Variants in CHURC1 observed in about 807,000 individuals in gnomAD.
The protein encoded by CHURC1 is protein Churchill.
CHURC1 carries 12 observed loss-of-function variants against 15.4 expected under a neutral mutation model. The observed-to-expected ratio is 0.78, with a 90% CI of 0.50 to 1.27. The LOEUF (loss-of-function observed/expected upper bound fraction) is 1.27, where lower values mean the gene tolerates loss of function less well. Among genes scored for constraint, CHURC1 ranks in the 50% most tolerant of loss-of-function variants. The pLI, the probability that CHURC1 is intolerant of heterozygous loss-of-function variation, is 0.00. For missense variants in CHURC1, 132 were observed against 137.8 expected (o/e 0.96, Z 0.21); for synonymous variants, 42 against 47.5 (o/e 0.88, Z 0.48).
chr14:64,930,450 C>G (rs1388329111), intron 3 of CHURC1, among the ~76,000 whole-genome samples: 1 of 152,164 alleles, frequency 6.6e-6, no homozygotes, highest in Non-Finnish European at 1.5e-5. Context: ...AACCTAACCG[C>G]CATGTATGAC....
At chr14:64,917,305 A>G (rs1307538222) in intron 1 of CHURC1, among the ~76,000 whole-genome samples, 1 of 152,000 alleles carries the variant, frequency 6.6e-6, no homozygotes, top group South Asian at 2.1e-4. Flanking sequence ...GCTCACGCCT[A>G]TAATCCCAGC....
At chr14:64,923,424 A>C (rs1449380174) in intron 1 of CHURC1, among the ~76,000 whole-genome samples, 1 of 152,200 alleles carries the variant, frequency 6.6e-6, no homozygotes. Flanking sequence ...TTACGAAATG[A>C]AGAACTTAAG....
chr14:64,926,162 T>G, intron 3 of CHURC1, 82 bp downstream of exon 3: 1 of 1,017,592 alleles, frequency 9.8e-7, no homozygotes, highest in Non-Finnish European at 1.4e-6. Flanking sequence ...TAAATACGGT[T>G]TTCATAAGTG....
chr14:64,931,190 GTC>G (rs944507536), intron 3 of CHURC1, among the ~76,000 whole-genome samples: 1 of 152,234 alleles, frequency 6.6e-6, no homozygotes, highest in African/African-American at 2.4e-5. Context: ...AAAGAAATAT[GTC>G]TCTGTAGTTT....
At chr14:64,916,245 CTG>C (rs966598074) in intron 1 of CHURC1, among the ~76,000 whole-genome samples, 1 of 152,170 alleles carries the variant, frequency 6.6e-6, no homozygotes, top group Non-Finnish European at 1.5e-5. Context: ...GGTGGTAAAA[CTG>C]TAAGGAACGT....
intron 3 of CHURC1, among the ~76,000 whole-genome samples, chr14:64,931,480 A>T (rs759291838): frequency 8.6e-4 from 130 of 152,046 alleles, no homozygotes; most frequent in Non-Finnish European, 2.5e-4. Flanking sequence ...GCTGCAGTGA[A>T]CCATCATTGC....
chr14:64,932,091 C>G, intron 3 of CHURC1, 47 bp from the exon 4 acceptor site: 1 of 1,587,824 alleles, frequency 6.3e-7, no homozygotes, highest in Non-Finnish European at 8.6e-7. Context: ...TATAAAGCAT[C>G]TTTTTCCCTG....
At chr14:64,921,333 A>T (rs1884281716) in intron 1 of CHURC1, among the ~76,000 whole-genome samples, 1 of 152,146 alleles carries the variant, frequency 6.6e-6, no homozygotes, top group African/African-American at 2.4e-5. Flanking sequence ...TAAAAGAAAA[A>T]ATGTTAAATT....
chr14:64,923,981 G>A lies in CHURC1; in HGVS notation c.40-10G>A. ...GTAAAGAAATTAAATTCCTGTTTCT[G>A]ATATTTTAGGGTAATACCTGCCTGG... On this transcript the variant is annotated splice_polypyrimidine_tract_variant and intron_variant, in intron 1 of 3. Transcript: ENST00000549115. 1 of 1,500,670 alleles carries A rather than the reference G, an allele frequency of 6.7e-7. No homozygotes were observed. The highest frequency in any genetic ancestry group is 8.9e-7 in the Non-Finnish European group (1 of 1,120,424). 93.0% of individuals were successfully genotyped at this position (1,500,670 alleles called of 1,614,324 possible).
At chr14:64,931,566 G>A (rs1885078831) in intron 3 of CHURC1, among the ~76,000 whole-genome samples, 1 of 151,742 alleles carries the variant, frequency 6.6e-6, no homozygotes, top group South Asian at 2.1e-4. Context: ...TGCCCTAAGG[G>A]TTTTTGCCTA....
chr14:64,922,252 T>C (rs995463763), intron 1 of CHURC1, among the ~76,000 whole-genome samples: 2 of 152,058 alleles, frequency 1.3e-5, no homozygotes, highest in Non-Finnish European at 2.9e-5. Flanking sequence ...AATTTTATTG[T>C]ATGTAAATTG....
At chr14:64,921,859 T>C (rs1419350530) in intron 1 of CHURC1, among the ~76,000 whole-genome samples, 1 of 152,222 alleles carries the variant, frequency 6.6e-6, no homozygotes, top group East Asian at 1.9e-4. Flanking sequence ...GCTGCTTTAT[T>C]CATAATAGCC....
intron 3 of CHURC1, chr14:64,930,829 G>T (rs1712145405): frequency 2.2e-6 from 1 of 455,292 alleles, no homozygotes; most frequent in Non-Finnish European, 4.4e-6. Flanking sequence ...TGCCTGGTGG[G>T]TTGAAGCAGT....
At chr14:64,925,173 A>G (rs956231826) in intron 2 of CHURC1, among the ~76,000 whole-genome samples, 3 of 152,194 alleles carry the variant, frequency 2.0e-5, no homozygotes, top group African/African-American at 7.2e-5. Context: ...ATCTCTAAAA[A>G]GGTGGTGATG....
chr14:64,916,263 A>T (rs1883872918), intron 1 of CHURC1, among the ~76,000 whole-genome samples: 1 of 152,236 alleles, frequency 6.6e-6, no homozygotes, highest in Non-Finnish European at 1.5e-5. Flanking sequence ...AACGTATACA[A>T]TTACTGTTAA....
chr14:64,920,327 T>G (rs369828461), intron 1 of CHURC1, among the ~76,000 whole-genome samples: 1 of 152,242 alleles, frequency 6.6e-6, no homozygotes, highest in African/African-American at 2.4e-5. Context: ...TAAGCTGTTA[T>G]GGTCTACTGT....
chr14:64,925,510 A>G lies in CHURC1; in HGVS notation c.176-500A>G, dbSNP rs545068738. Among the ~76,000 whole-genome samples the G allele has an allele frequency of 3.3e-5, 5 of 152,098 alleles. No individual in the cohort carries two copies. The East Asian group carries it at 9.7e-4, about 29-fold the overall frequency. Reference sequence around the variant, plus strand: ...CAACATAGTGAGACCTCACCTCTACAAAAATTCAAAAAAATTAGCTGAGTG... The same window carrying G: ...CAACATAGTGAGACCTCACCTCTACGAAAATTCAAAAAAATTAGCTGAGTG... On this transcript the variant is annotated intron_variant, in intron 2 of 3. Transcript: ENST00000549115.
chr14:64,928,276 C>A (rs999811381), intron 3 of CHURC1, among the ~76,000 whole-genome samples: 6 of 152,172 alleles, frequency 3.9e-5, no homozygotes, highest in Non-Finnish European at 8.8e-5. Context: ...GCAACAAGGT[C>A]TTACTCTGCC....
chr14:64,924,718 C>T (rs1329035442), intron 2 of CHURC1, among the ~76,000 whole-genome samples: 2 of 152,070 alleles, frequency 1.3e-5, no homozygotes, highest in African/African-American at 4.8e-5. Context: ...ACTGGGAAAC[C>T]AAATAAACTA....
Sources: gnomAD v4.1 joint callset for allele counts (sites outside exome capture counted in the v4.1 genomes callset) on GRCh38, gnomAD v4.1.1 for gene constraint, MANE v1.5 for transcripts, NCBI Gene and HGNC (gene_info 2026-07-23, HGNC 2026-07-21) for gene names.